RSU1: variants seen among roughly 807,000 people sequenced by gnomAD.
The protein encoded by RSU1 is Ras suppressor protein 1, also known as rsu-1.
In RSU1, 26 loss-of-function variants were observed where a neutral mutation model predicts 31.1. The observed-to-expected ratio is 0.84, with a 90% confidence interval of 0.61 to 1.16. The LOEUF is 1.16. Among genes scored for constraint, RSU1 ranks in the 50% most tolerant of loss-of-function variants. RSU1 has a pLI of 0.00. For missense variants in RSU1, 320 were observed against 339.1 expected (o/e 0.94, Z 0.44); for synonymous variants, 164 against 136.3 (o/e 1.20, Z -1.41).
At chr10:16,747,511 T>C (rs1482269200) in intron 7 of RSU1, among the ~76,000 whole-genome samples, 6 of 152,098 alleles carry the variant, frequency 3.9e-5, no homozygotes, top group African/African-American at 1.4e-4. Context: ...TAACCTTAAC[T>C]CTCTCACCCC....
intron 2 of RSU1, among the ~76,000 whole-genome samples, chr10:16,784,087 A>T (rs1045608508): frequency 2.0e-5 from 3 of 146,500 alleles, no homozygotes; most frequent in African/African-American, 7.5e-5. Flanking sequence ...TCTATGTACA[A>T]TTTTTTTTTT....
intron 7 of RSU1, among the ~76,000 whole-genome samples, chr10:16,706,254 C>A (rs1001770332): frequency 6.6e-6 from 1 of 152,206 alleles, no homozygotes; most frequent in Non-Finnish European, 1.5e-5. Flanking sequence ...TTCCCAACCT[C>A]ATCTTTTTAA....
chr10:16,664,439 C>T (rs1173960740), intron 8 of RSU1, among the ~76,000 whole-genome samples: 2 of 152,226 alleles, frequency 1.3e-5, no homozygotes, highest in African/African-American at 4.8e-5. Flanking sequence ...GGAAGTGTTA[C>T]ATACTGCCTA....
intron 8 of RSU1, among the ~76,000 whole-genome samples, chr10:16,655,777 A>G (rs1834765869): frequency 6.6e-6 from 1 of 152,212 alleles, no homozygotes. Context: ...TTAGCAGCAC[A>G]TATTTTAAAT....
At chr10:16,801,155 A>T (rs1838148872) in intron 2 of RSU1, among the ~76,000 whole-genome samples, 1 of 151,988 alleles carries the variant, frequency 6.6e-6, no homozygotes, top group African/African-American at 2.4e-5. Flanking sequence ...TTTAAATATA[A>T]AATATAGATA....
chr10:16,733,059 G>C (rs764973019), intron 7 of RSU1, among the ~76,000 whole-genome samples: 1 of 152,024 alleles, frequency 6.6e-6, no homozygotes, highest in Non-Finnish European at 1.5e-5. Flanking sequence ...ACCTATCTTA[G>C]GGAAGATAAG....
rs118093681 is a variant in RSU1 at position 16,797,307 on chromosome 10, T to G, written c.110-15223A>C. Among the ~76,000 whole-genome samples, 49 of 152,180 alleles carry G rather than the reference T, an allele frequency of 3.2e-4. 1 individual carries two copies. The East Asian group carries it at 8.5e-3, about 26-fold the overall frequency. ...AAGAGAGAGAAAAAGAGACCAAGGA[T>G]AGAGAAGATCCAGATAAAAGTGGGC... On this transcript the variant is annotated intron_variant, in intron 2 of 8. Coordinates refer to ENST00000345264, the MANE Select transcript of RSU1 (RefSeq NM_012425.4).
intron 8 of RSU1, among the ~76,000 whole-genome samples, chr10:16,654,935 G>T (rs756003978): frequency 6.6e-6 from 1 of 150,802 alleles, no homozygotes; most frequent in East Asian, 2.0e-4. Flanking sequence ...GTGGTGGCAC[G>T]TGCCTGTAGC....
chr10:16,593,345 G>A lies in RSU1; in HGVS notation c.*49C>T, dbSNP rs757333241. ...GAGAGACAGGGCAAGAGAGAATGAA[G>A]TGTTGGAGAGAGAAGGTGCTGGAAG... On this transcript the variant is annotated 3_prime_UTR_variant, in exon 9 of 9. Coordinates refer to ENST00000345264, the MANE Select transcript of RSU1 (RefSeq NM_012425.4). 24 of 1,613,240 alleles carry A rather than the reference G, an allele frequency of 1.5e-5. No homozygotes were observed. In the Admixed American group the frequency reaches 3.5e-4, roughly 24 times the overall value.
At chr10:16,623,522 ATTTC>A (rs1834106870) in intron 8 of RSU1, among the ~76,000 whole-genome samples, 1 of 152,146 alleles carries the variant, frequency 6.6e-6, no homozygotes, top group Non-Finnish European at 1.5e-5. Context: ...TGGGAGAATG[ATTTC>A]TTTTAGATAT....
intron 7 of RSU1, among the ~76,000 whole-genome samples, chr10:16,702,009 C>T (rs1835803199): frequency 6.6e-6 from 1 of 152,196 alleles, no homozygotes; most frequent in Admixed American, 6.5e-5. Flanking sequence ...GGGAGGCAAT[C>T]TTGTTTTTCC....
chr10:16,787,768 T>C (rs1469932498), intron 2 of RSU1, among the ~76,000 whole-genome samples: 1 of 152,200 alleles, frequency 6.6e-6, no homozygotes. Context: ...TCTCCAGCCA[T>C]GTGGAAATGT....
At position 16,593,084 on chromosome 10, in the gene RSU1, A is replaced by T; in HGVS notation, c.*310T>A. The stretch of plus-strand genomic sequence containing the variant: ...CATGATTTTAATTATTCTTTTGATA[A>T]TAAGCAACCTTGTGATATCTATTCA... On this transcript the variant is annotated 3_prime_UTR_variant, in exon 9 of 9. Transcript: ENST00000345264. 1 of 230,702 alleles carries T rather than the reference A, an allele frequency of 4.3e-6. No homozygotes were observed. Among genetic ancestry groups the T allele is most frequent in the South Asian group, 1.2e-4 (1 of 8,418 alleles). The allele number at this position is 230,702 out of a possible 1,614,324, so 14.3% of individuals were successfully genotyped here. A position where few individuals can be genotyped will look rare whatever the true frequency, so the allele number is the denominator to read the frequency against.
chr10:16,601,033 T>G (rs1228852491), intron 8 of RSU1, among the ~76,000 whole-genome samples: 1 of 152,208 alleles, frequency 6.6e-6, no homozygotes, highest in Non-Finnish European at 1.5e-5. Context: ...ATCCTGGTTC[T>G]TGTTTTCTCT....
intron 2 of RSU1, among the ~76,000 whole-genome samples, chr10:16,786,978 G>A (rs551426000): frequency 1.3e-4 from 20 of 152,232 alleles, no homozygotes; most frequent in African/African-American, 4.8e-4. Flanking sequence ...TGAACATTCA[G>A]GGAGGTGCGG....
At chr10:16,781,104 G>T (rs982574164) in intron 3 of RSU1, among the ~76,000 whole-genome samples, 1 of 152,036 alleles carries the variant, frequency 6.6e-6, no homozygotes, top group African/African-American at 2.4e-5. Flanking sequence ...AATTTCACTG[G>T]ACTCGGAAAG....
chr10:16,745,504 G>A (rs1836833031), intron 7 of RSU1, among the ~76,000 whole-genome samples: 1 of 152,182 alleles, frequency 6.6e-6, no homozygotes, highest in South Asian at 2.1e-4. Flanking sequence ...TGGAAGGCAA[G>A]GAGAAGCAAG....
intron 8 of RSU1, among the ~76,000 whole-genome samples, chr10:16,675,047 A>G (rs1745447036): frequency 6.6e-6 from 1 of 151,940 alleles, no homozygotes; most frequent in South Asian, 2.1e-4. Flanking sequence ...ATAAATAAAT[A>G]AAAATAAAAA....
intron 8 of RSU1, among the ~76,000 whole-genome samples, chr10:16,641,372 G>C (rs7084111): frequency 0.27 from 41,155 of 151,736 alleles, 6,258 homozygotes; most frequent in South Asian, 0.39. Context: ...GGCACCTGTA[G>C]TCCCAGCTAC....
Sources: gnomAD v4.1 joint callset for allele counts (sites outside exome capture counted in the v4.1 genomes callset) on GRCh38, gnomAD v4.1.1 for gene constraint, MANE v1.5 for transcripts, NCBI Gene and HGNC (gene_info 2026-07-23, HGNC 2026-07-21) for gene names.